The following S100PBP variants were observed in gnomAD, a reference collection of about 807,000 sequenced individuals.
S100PBP encodes S100P binding protein, also known as S100P-binding protein.
In S100PBP, 15 loss-of-function variants were observed where a neutral mutation model predicts 39.9. That is an observed-to-expected ratio of 0.38 (90% CI 0.25 to 0.58). The LOEUF (loss-of-function observed/expected upper bound fraction) is 0.58, where lower values mean the gene tolerates loss of function less well. Ranked by LOEUF, S100PBP falls within the 20% of genes least tolerant of loss-of-function variation. S100PBP has a pLI of 0.70. For missense variants in S100PBP, 504 were observed against 487.3 expected, an observed-to-expected ratio of 1.03 and a Z score of -0.32; for synonymous variants, 178 against 180.3, an observed-to-expected ratio of 0.99 and a Z score of 0.10.
chr1:32,856,011 G>C lies in S100PBP; in HGVS notation c.1200G>C (p.Gln400His). 1 of 1,613,268 alleles carries C rather than the reference G, an allele frequency of 6.2e-7. No individual in the cohort carries two copies. ...ACATGCGAAGCCACCATCGGTTCCA[G>C]CGTCTCCCAGACTTCTCGTACAGTT... is the stretch of plus-strand genomic sequence containing the variant. Reference protein sequence around the residue: ...DRNMRSHHRFQRLPDFSYS With the variant: ...DRNMRSHHRFHRLPDFSYS The change falls in exon 7 of 7, where the codon CAG becomes CAC. Residue 400 changes from glutamine to histidine, a missense_variant. Physicochemically the swap from Gln to His is conservative, Grantham distance 24. Transcript: ENST00000373475.
chr1:32,846,725 C>G (rs780010031), intron 5 of S100PBP: 1 of 151,974 alleles, frequency 6.6e-6, no homozygotes, highest in Non-Finnish European at 1.5e-5. Flanking sequence ...CCCACCTCAT[C>G]CTTCAAAGTG....
At chr1:32,824,211 A>C (rs1025886858) in intron 1 of S100PBP, among the ~76,000 whole-genome samples, 1 of 152,052 alleles carries the variant, frequency 6.6e-6, no homozygotes, top group Non-Finnish European at 1.5e-5. Flanking sequence ...GTCTCAAAAA[A>C]AAAAAAAAAA....
intron 1 of S100PBP, chr1:32,824,797 CCTTT>C (rs1301019197): frequency 8.3e-6 from 1 of 120,904 alleles, no homozygotes; most frequent in African/African-American, 3.2e-5. Flanking sequence ...TCTCTAATGA[CCTTT>C]TTTTTTTTTT....
rs1383290933 is a variant in S100PBP at position 32,847,607 on chromosome 1, G to A, written c.1025-5472G>A. 3 of 152,224 alleles carry A rather than the reference G, an allele frequency of 2.0e-5. No homozygotes were observed. The East Asian group carries it at 5.8e-4, about 29-fold the overall frequency. The allele number at this position is 152,224 out of a possible 1,614,324, so 9.4% of individuals were successfully genotyped here. ...ATTCATATATCATTCAGTATCCCCT[G>A]TATCACTTCATAAGTGAATTACATA... is the stretch of plus-strand genomic sequence containing the variant. On this transcript the variant is annotated intron_variant, in intron 5 of 6. Transcript: ENST00000373475.
rs11803353 is a variant in S100PBP at position 32,837,657 on chromosome 1, C to G, written c.1024+7590C>G. On this transcript the variant is annotated intron_variant, in intron 5 of 6. Coordinates refer to ENST00000373475, the MANE Select transcript of S100PBP (RefSeq NM_022753.4). ...TCCTCCCTTCTGCCTATCTCTGCCC[C>G]CTCTAATCCCCAGGCAAGATTGACC... 2.3e-3 allele frequency among the ~76,000 whole-genome samples: 356 copies of G among 151,606 alleles called. 3 individuals are homozygous for G. Among genetic ancestry groups the G allele is most frequent in the African/African-American group, 7.8e-3 (323 of 41,388 alleles).
chr1:32,828,646 C>T (rs1163635772), intron 4 of S100PBP, among the ~76,000 whole-genome samples: 2 of 152,024 alleles, frequency 1.3e-5, no homozygotes, highest in South Asian at 2.1e-4. Flanking sequence ...GATTAGCTTC[C>T]TTACAGTGAG....
intron 5 of S100PBP, among the ~76,000 whole-genome samples, chr1:32,851,864 G>A (rs1024450349): frequency 2.6e-5 from 4 of 152,150 alleles, no homozygotes; most frequent in African/African-American, 9.7e-5. Flanking sequence ...TATAATGTAT[G>A]TTAAAATTTG....
chr1:32,842,236 TACACAC>T (rs1553132298), intron 5 of S100PBP, among the ~76,000 whole-genome samples: 9,234 of 80,866 alleles, frequency 0.11, 561 homozygotes, highest in Admixed American at 0.23. Flanking sequence ...TATATATATA[TACACAC>T]ACACACACAC....
upstream of S100PBP, chr1:32,817,506 C>G: frequency 1.7e-6 from 1 of 599,966 alleles, no homozygotes; most frequent in South Asian, 2.0e-5. Flanking sequence ...GGCTGAGGCG[C>G]CTGAGCGGGG....
chr1:32,832,636 G>A (rs1040553262), intron 5 of S100PBP, among the ~76,000 whole-genome samples: 2 of 152,134 alleles, frequency 1.3e-5, no homozygotes, highest in Non-Finnish European at 2.9e-5. Flanking sequence ...TGCAAGGGCG[G>A]GGGTGGTATG....
At chr1:32,841,038 G>A (rs1640067189) in intron 5 of S100PBP, among the ~76,000 whole-genome samples, 1 of 151,990 alleles carries the variant, frequency 6.6e-6, no homozygotes, top group Non-Finnish European at 1.5e-5. Context: ...GCGGGTGCCT[G>A]TAGTCCCAGC....
rs774931051 is a variant in S100PBP, at chr1:32,826,115, G to A, written c.16G>A (p.Val6Met). 1.9e-6 allele frequency: 3 copies of A among 1,610,618 alleles called. No homozygotes were observed. Among genetic ancestry groups the A allele is most frequent in the East Asian group, 2.2e-5 (1 of 44,868 alleles). The change falls in exon 3 of 7, where the codon GTG (valine) becomes ATG (methionine). Residue 6 changes from valine (V) to methionine (M), a missense_variant. By Grantham distance (21) the Val-to-Met change is conservative (BLOSUM62 1). Transcript: ENST00000373475. Reference protein sequence around the residue: MMCSRVPSEQSSGTSL... With the variant: MMCSRMPSEQSSGTSL... ...TTCTCCAGAAATGATGTGCTCACGGGTGCCCTCTGAACAGTCTTCTGGTAC... is the reference window on the plus strand; with the variant it reads ...TTCTCCAGAAATGATGTGCTCACGGATGCCCTCTGAACAGTCTTCTGGTAC...
chr1:32,826,859 T>A lies in S100PBP; in HGVS notation c.760T>A (p.Cys254Ser). The A allele has an allele frequency of 6.2e-7, 1 of 1,613,166 alleles. No homozygotes were observed. The highest frequency in any genetic ancestry group is 8.5e-7 in the Non-Finnish European group (1 of 1,179,690). ...HSETPNMELS[C>S]RNGGSHKSSC... ...AGAGACTCCTAATATGGAGTTATCC[T>A]GCAGAAATGGTGGTTCACACAAGTC... The change falls in exon 3 of 7, where the codon TGC (cysteine) becomes AGC (serine). Residue 254 changes from cysteine to serine, a missense_variant. Transcript: ENST00000373475.
rs772325882 is a variant in S100PBP, at chr1:32,826,767, T to C, written c.668T>C (p.Val223Ala). The C allele has an allele frequency of 3.7e-6, 6 of 1,614,006 alleles. No homozygotes were observed. The African/African-American group carries it at 8.0e-5, about 22-fold the overall frequency. ...SSSNNNFQQT[V>A]SDKNMPDSEN... is the part of the protein sequence containing the mutation. ...TCAAACAATAACTTTCAACAGACTG[T>C]CTCTGATAAAAATATGCCTGACAGT... The change falls in exon 3 of 7, where the codon GTC (valine) becomes GCC (alanine). Residue 223 changes from valine to alanine, a missense_variant. Coordinates refer to ENST00000373475, the MANE Select transcript of S100PBP (RefSeq NM_022753.4).
At chr1:32,816,996 G>A, upstream of S100PBP, 1 of 703,480 alleles carries the variant, frequency 1.4e-6, no homozygotes. Flanking sequence ...AGCCCACTGT[G>A]ATTTCTGGGG....
intron 5 of S100PBP, chr1:32,836,884 C>T (rs1639842415): frequency 1.3e-5 from 2 of 151,874 alleles, no homozygotes; most frequent in South Asian, 2.1e-4. Flanking sequence ...TTATTCTATC[C>T]TCATACTTGA....
chr1:32,819,408 A>G (rs1638938489), intron 1 of S100PBP, among the ~76,000 whole-genome samples: 1 of 152,054 alleles, frequency 6.6e-6, no homozygotes, highest in African/African-American at 2.4e-5. Flanking sequence ...TCTCTACTGT[A>G]AATACAAAAA....
chr1:32,852,428 T>C (rs149821525), intron 5 of S100PBP, among the ~76,000 whole-genome samples: 2 of 152,270 alleles, frequency 1.3e-5, no homozygotes, highest in East Asian at 3.9e-4. Flanking sequence ...TAAGATAATA[T>C]GTAAAGTGTC....
intron 5 of S100PBP, among the ~76,000 whole-genome samples, chr1:32,831,253 T>C (rs530780978): frequency 2.0e-5 from 3 of 152,048 alleles, no homozygotes; most frequent in Admixed American, 2.0e-4. Context: ...AAGATAATTA[T>C]ACTGCAGTAT....
Sources: gnomAD v4.1 joint callset for allele counts (sites outside exome capture counted in the v4.1 genomes callset) on GRCh38, gnomAD v4.1.1 for gene constraint, MANE v1.5 for transcripts, NCBI Gene and HGNC (gene_info 2026-07-23, HGNC 2026-07-21) for gene names.